The following ESRRB variants were observed in gnomAD, a reference collection of about 807,000 sequenced individuals.
The protein encoded by ESRRB is steroid hormone receptor ERR2.
ESRRB carries 16 observed loss-of-function variants against 46.0 expected under a neutral mutation model. That is an observed-to-expected ratio of 0.35 (90% CI 0.24 to 0.53). The LOEUF (loss-of-function observed/expected upper bound fraction) is 0.53. Among genes scored for constraint, ESRRB ranks in the 20% least tolerant of loss-of-function variants. ESRRB has a pLI of 0.93. For missense variants in ESRRB, 488 were observed against 607.4 expected, an observed-to-expected ratio of 0.80 and a Z score of 2.07; for synonymous variants, 246 against 259.6, an observed-to-expected ratio of 0.95 and a Z score of 0.50.
intron 1 of ESRRB, among the ~76,000 whole-genome samples, chr14:76,316,999 C>T (rs764104558): frequency 4.6e-5 from 7 of 152,132 alleles, no homozygotes; most frequent in Non-Finnish European, 8.8e-5. Flanking sequence ...ACTCTGGTCC[C>T]GGGTGGTACA....
intron 2 of ESRRB, among the ~76,000 whole-genome samples, chr14:76,443,161 AT>A (rs1887991987): frequency 6.6e-6 from 1 of 152,198 alleles, no homozygotes; most frequent in Admixed American, 6.5e-5. Flanking sequence ...AAAAATAAAC[AT>A]GATAAAAAAA....
At position 76,437,848 on chromosome 14, in the gene ESRRB, G is replaced by A. The variant is rs377694294; in HGVS notation, c.51-1493G>A. Among the ~76,000 whole-genome samples, 127 of 152,294 alleles carry A rather than the reference G, an allele frequency of 8.3e-4. 1 individual carries two copies. Among genetic ancestry groups the A allele is most frequent in the Non-Finnish European group, 8.4e-4 (57 of 68,018 alleles). ...CATCCTGGGAGCTGGGATACGGGAG[G>A]GGAACACCCTTGCCCGCCTTCTCCT... is the stretch of plus-strand genomic sequence containing the variant. On this transcript the variant is annotated intron_variant, in intron 1 of 6. Transcript: ENST00000644823.
chr14:76,454,754 G>A (rs1310005466), intron 2 of ESRRB, among the ~76,000 whole-genome samples: 3 of 152,136 alleles, frequency 2.0e-5, no homozygotes, highest in African/African-American at 7.2e-5. Context: ...TTTAGATTTT[G>A]TTCTCTGCTC....
chr14:76,422,782 GA>G (rs1566889782), intron 1 of ESRRB, among the ~76,000 whole-genome samples: 1 of 152,154 alleles, frequency 6.6e-6, no homozygotes, highest in African/African-American at 2.4e-5. Context: ...GTTGCACAGC[GA>G]GTCAGTGACA....
At chr14:76,400,150 T>G (rs1006416168) in intron 1 of ESRRB, among the ~76,000 whole-genome samples, 1 of 152,200 alleles carries the variant, frequency 6.6e-6, no homozygotes, top group Non-Finnish European at 1.5e-5. Flanking sequence ...CTGCTCCTGG[T>G]ACCTCATCTG....
chr14:76,406,976 G>A (rs79557142), intron 1 of ESRRB, among the ~76,000 whole-genome samples: 2,917 of 152,264 alleles, frequency 0.019, 97 homozygotes, highest in African/African-American at 0.067. Context: ...GCACCTAAAG[G>A]CTCCACAATA....
At chr14:76,374,943 C>A (rs55857863), upstream of ESRRB, among the ~76,000 whole-genome samples, 6 of 152,140 alleles carry the variant, frequency 3.9e-5, no homozygotes, top group South Asian at 4.2e-4. Context: ...CCTGCCCAGG[C>A]GGCTGGCCCC....
chr14:76,410,509 C>G (rs1318732771), intron 1 of ESRRB, among the ~76,000 whole-genome samples: 1 of 152,146 alleles, frequency 6.6e-6, no homozygotes, highest in Non-Finnish European at 1.5e-5. Context: ...TCATACACAG[C>G]TTTCTTAATC....
At chr14:76,402,995 T>G (rs1886007370) in intron 1 of ESRRB, among the ~76,000 whole-genome samples, 1 of 152,172 alleles carries the variant, frequency 6.6e-6, no homozygotes, top group Non-Finnish European at 1.5e-5. Context: ...CTCCCCATAT[T>G]GGCCAGGCAG....
chr14:76,498,015 C>T (rs1595177855), intron 6 of ESRRB, among the ~76,000 whole-genome samples, 199 bp from the exon 7 acceptor site: 1 of 152,156 alleles, frequency 6.6e-6, no homozygotes, highest in Non-Finnish European at 1.5e-5. Context: ...CTGTAGACGC[C>T]AGTCTCTCCC....
rs114111528 is a variant in ESRRB at position 76,397,336 on chromosome 14, C to A, written c.50+20885C>A. ...CAAGACCCCAGTCAACGGCACCCAG[C>A]AGGCCAGTCCCCCAGGGCCAGTCTG... On this transcript the variant is annotated intron_variant, in intron 1 of 6. Coordinates refer to ENST00000644823, the MANE Select transcript of ESRRB (RefSeq NM_001379180.1). Among the ~76,000 whole-genome samples, 611 of 152,312 alleles carry A rather than the reference C, an allele frequency of 4.0e-3. 4 individuals are homozygous for A. The highest frequency in any genetic ancestry group is 0.014 in the African/African-American group (589 of 41,558).
intron 2 of ESRRB, among the ~76,000 whole-genome samples, chr14:76,440,289 GA>G (rs1887865892): frequency 1.3e-5 from 2 of 151,906 alleles, no homozygotes; most frequent in South Asian, 4.2e-4. Context: ...AACACAGTAA[GA>G]CCCCATCATT....
chr14:76,432,761 C>T (rs767848448), intron 1 of ESRRB, among the ~76,000 whole-genome samples: 3 of 133,424 alleles, frequency 2.2e-5, no homozygotes, highest in South Asian at 2.5e-4. Flanking sequence ...CTGCAACCTC[C>T]GCCTCCCGGG....
intron 1 of ESRRB, among the ~76,000 whole-genome samples, chr14:76,316,289 C>T (rs1883799125): frequency 6.6e-6 from 1 of 152,196 alleles, no homozygotes; most frequent in South Asian, 2.1e-4. Context: ...AATGCTCTCT[C>T]TTCCTTTTCT....
chr14:76,392,816 C>T (rs746799480), intron 1 of ESRRB, among the ~76,000 whole-genome samples: 6 of 152,198 alleles, frequency 3.9e-5, no homozygotes, highest in Non-Finnish European at 7.3e-5. Flanking sequence ...AAGAGAAGTG[C>T]TTCCATTTGC....
intron 1 of ESRRB, among the ~76,000 whole-genome samples, chr14:76,332,724 T>C (rs1884040203): frequency 3.7e-5 from 1 of 27,044 alleles, no homozygotes; most frequent in Non-Finnish European, 5.9e-5. Context: ...ATATATTATA[T>C]ATATTTATAT....
chr14:76,491,316 A>C, intron 5 of ESRRB, 131 bp from the exon 6 acceptor site: 3 of 806,986 alleles, frequency 3.7e-6, no homozygotes, highest in Non-Finnish European at 6.0e-6. Flanking sequence ...GCCTGGGGGC[A>C]GGATCCAGGG....
intron 5 of ESRRB, among the ~76,000 whole-genome samples, chr14:76,489,445 C>CCACACACACACACACA (rs56091857): frequency 0.055 from 7,132 of 129,490 alleles, 298 homozygotes; most frequent in East Asian, 0.082. Context: ...ATCTGGACAA[C>CCACACACACACACACA]CACACACACA....
At chr14:76,399,901 A>G (rs1885864562) in intron 1 of ESRRB, among the ~76,000 whole-genome samples, 1 of 151,982 alleles carries the variant, frequency 6.6e-6, no homozygotes, top group Non-Finnish European at 1.5e-5. Flanking sequence ...ACTCGGTGGG[A>G]GGTCATATAG....
Sources: allele counts gnomAD v4.1 joint callset (sites outside exome capture counted in the v4.1 genomes callset), GRCh38; gene constraint gnomAD v4.1.1; transcripts MANE v1.5; gene names NCBI Gene and HGNC (gene_info 2026-07-23, HGNC 2026-07-21).